CNTNAP2: variants seen among roughly 807,000 people sequenced by gnomAD.
CNTNAP2 encodes the protein contactin associated protein 2.
CNTNAP2 carries 98 observed loss-of-function variants against 155.2 expected under a neutral mutation model. The ratio of observed to expected loss-of-function variants is 0.63; its 90% CI spans 0.54 to 0.75. The LOEUF is 0.75. Ranked by LOEUF, CNTNAP2 falls within the 30% of genes least tolerant of loss-of-function variation. The pLI is 0.00. For synonymous variants in CNTNAP2, 651 were observed against 631.2 expected (o/e 1.03, Z -0.47); for missense variants, 1,727 against 1,688.1 (o/e 1.02, Z -0.40).
intron 14 of CNTNAP2, among the ~76,000 whole-genome samples, chr7:147,976,242 C>A (rs1042833682): frequency 6.6e-6 from 1 of 152,156 alleles, no homozygotes; most frequent in African/African-American, 2.4e-5. Context: ...TAAGTAATAA[C>A]TTGAATCTCA....
At chr7:146,175,701 T>G in intron 1 of CNTNAP2, among the ~76,000 whole-genome samples, 1 of 152,356 alleles carries the variant, frequency 6.6e-6, no homozygotes. Context: ...TATGAATAAA[T>G]ATATTCTTAG....
intron 1 of CNTNAP2, among the ~76,000 whole-genome samples, chr7:146,620,989 A>C (rs1799307253): frequency 6.6e-6 from 1 of 152,200 alleles, no homozygotes. Context: ...ATATCATCTT[A>C]TGGTTTTCTT....
In CNTNAP2 at chr7:146,593,659, A is replaced by G. The variant is rs547221553; in HGVS notation, c.98-180612A>G. On this transcript the variant is annotated intron_variant, in intron 1 of 23. Coordinates refer to ENST00000361727, the MANE Select transcript of CNTNAP2 (RefSeq NM_014141.6). ...AGTCACAATCAATTGGTACCTCTCT[A>G]TTAATGCTCCCCCACCTCTGTATCT... Among the ~76,000 whole-genome samples, 307 of 152,140 alleles carry G rather than the reference A, an allele frequency of 2.0e-3. 4 individuals are homozygous for G. Among genetic ancestry groups the G allele is most frequent in the African/African-American group, 7.1e-3 (293 of 41,526 alleles).
chr7:147,089,541 T>G (rs902498952), intron 4 of CNTNAP2, among the ~76,000 whole-genome samples: 28 of 152,320 alleles, frequency 1.8e-4, no homozygotes, highest in Non-Finnish European at 3.7e-4. Flanking sequence ...TGAGACATTT[T>G]CTTCATTTTG....
Position 146,199,912 on chromosome 7 carries a change from C to G in CNTNAP2, c.97+82939C>G, listed in dbSNP as rs184716590. Among the ~76,000 whole-genome samples the G allele has an allele frequency of 3.0e-4, 46 of 152,180 alleles. No individual in the cohort carries two copies. In the East Asian group the frequency reaches 7.7e-3, roughly 26 times the overall value. On this transcript the variant is annotated intron_variant, in intron 1 of 23. Transcript: ENST00000361727. Reference sequence around the variant, plus strand: ...TGAAAAACAGTCTTTCTCCCTTGCCCCTACCATAAGCAGTGGCTAGCTAAA... The same window carrying G: ...TGAAAAACAGTCTTTCTCCCTTGCCGCTACCATAAGCAGTGGCTAGCTAAA...
At chr7:147,563,504 A>C (rs930724049) in intron 12 of CNTNAP2, among the ~76,000 whole-genome samples, 1 of 151,906 alleles carries the variant, frequency 6.6e-6, no homozygotes, top group Non-Finnish European at 1.5e-5. Flanking sequence ...TGGCACACAC[A>C]TGTAGTCCCA....
intron 13 of CNTNAP2, among the ~76,000 whole-genome samples, chr7:147,717,779 C>T (rs1478936889): frequency 6.6e-6 from 1 of 151,956 alleles, no homozygotes; most frequent in Non-Finnish European, 1.5e-5. Flanking sequence ...TTTAGCTGCT[C>T]AAGAGGCGGA....
chr7:147,534,946 T>C (rs1799512779), intron 11 of CNTNAP2, among the ~76,000 whole-genome samples: 2 of 152,184 alleles, frequency 1.3e-5, no homozygotes, highest in Admixed American at 1.3e-4. Flanking sequence ...GAGACAGAAG[T>C]CTCAGTGGGC....
intron 3 of CNTNAP2, among the ~76,000 whole-genome samples, chr7:146,989,541 C>CAAAA (rs71165058): frequency 0.36 from 54,489 of 151,716 alleles, 10,130 homozygotes; most frequent in African/African-American, 0.46. Flanking sequence ...AACAAACAAA[C>CAAAA]AAACCCACAA....
intron 14 of CNTNAP2, among the ~76,000 whole-genome samples, chr7:147,940,495 A>C (rs1800699846): frequency 6.6e-6 from 1 of 152,050 alleles, no homozygotes; most frequent in Non-Finnish European, 1.5e-5. Flanking sequence ...GTTTCTACAC[A>C]TAAAAGAGAT....
chr7:147,972,945 G>A (rs1257887798), intron 14 of CNTNAP2, among the ~76,000 whole-genome samples: 3 of 151,986 alleles, frequency 2.0e-5, no homozygotes, highest in South Asian at 2.1e-4. Flanking sequence ...GAAGCCAGGA[G>A]TTTGGGACCA....
chr7:146,632,795 A>G (rs1201551119), intron 1 of CNTNAP2, among the ~76,000 whole-genome samples: 1 of 152,076 alleles, frequency 6.6e-6, no homozygotes, highest in Non-Finnish European at 1.5e-5. Context: ...TAATCTATGA[A>G]TACTCATCAA....
At chr7:147,722,077 T>C (rs897484994) in intron 13 of CNTNAP2, among the ~76,000 whole-genome samples, 3 of 152,296 alleles carry the variant, frequency 2.0e-5, no homozygotes, top group East Asian at 3.9e-4. Context: ...TGAGGAATTG[T>C]CTTTTCCACT....
intron 3 of CNTNAP2, among the ~76,000 whole-genome samples, chr7:146,975,191 G>A (rs1478727108): frequency 2.6e-5 from 4 of 151,782 alleles, no homozygotes; most frequent in East Asian, 2.0e-4. Flanking sequence ...ACGGCTGGGC[G>A]CGTTGGCTCA....
intron 18 of CNTNAP2, among the ~76,000 whole-genome samples, chr7:148,178,032 G>A (rs1794978389): frequency 6.6e-6 from 1 of 151,940 alleles, no homozygotes; most frequent in Admixed American, 6.6e-5. Context: ...AATTTCCAAA[G>A]CATTTTAATG....
intron 8 of CNTNAP2, among the ~76,000 whole-genome samples, chr7:147,273,078 G>A (rs1372195115): frequency 6.6e-6 from 1 of 152,052 alleles, no homozygotes; most frequent in East Asian, 1.9e-4. Flanking sequence ...GGTTTCCACT[G>A]CTGCTTAAAC....
chr7:148,243,385 T>C (rs887217544), intron 20 of CNTNAP2, among the ~76,000 whole-genome samples: 1 of 152,066 alleles, frequency 6.6e-6, no homozygotes, highest in African/African-American at 2.4e-5. Flanking sequence ...GCTGTACAAA[T>C]CAGAAAGTTG....
chr7:147,051,620 A>C (rs1244438651), intron 4 of CNTNAP2, among the ~76,000 whole-genome samples: 1 of 152,148 alleles, frequency 6.6e-6, no homozygotes, highest in Non-Finnish European at 1.5e-5. Context: ...TAAGAGACAC[A>C]GAGGTAAGAA....
chr7:147,929,847 TG>T (rs1320083773), intron 14 of CNTNAP2, among the ~76,000 whole-genome samples: 1 of 152,164 alleles, frequency 6.6e-6, no homozygotes, highest in Non-Finnish European at 1.5e-5. Flanking sequence ...GGGGATGGTT[TG>T]GGGACAAAAC....
Sources: allele counts gnomAD v4.1 joint callset (sites outside exome capture counted in the v4.1 genomes callset), GRCh38; gene constraint gnomAD v4.1.1; transcripts MANE v1.5; gene names NCBI Gene and HGNC (gene_info 2026-07-23, HGNC 2026-07-21).